NDUFA10: variants seen among roughly 807,000 people sequenced by gnomAD.
NDUFA10 encodes the protein NADH dehydrogenase [ubiquinone] 1 alpha subcomplex subunit 10, mitochondrial.
NDUFA10 carries 40 observed loss-of-function variants against 47.8 expected under a neutral mutation model. That is an observed-to-expected ratio of 0.84 (90% CI 0.65 to 1.09). NDUFA10 has a LOEUF of 1.09. NDUFA10 is among the 50% of genes least tolerant of loss of function. NDUFA10 has a pLI of 0.00. For missense variants in NDUFA10, 413 were observed against 451.1 expected, an observed-to-expected ratio of 0.92 and a Z score of 0.76; for synonymous variants, 183 against 172.2, an observed-to-expected ratio of 1.06 and a Z score of -0.49.
chr2:240,000,005 C>T (rs1318933231), intron 8 of NDUFA10, among the ~76,000 whole-genome samples: 1 of 152,244 alleles, frequency 6.6e-6, no homozygotes. Flanking sequence ...GCATGACTCC[C>T]GTGTCTGCGG....
chr2:240,021,063 T>C, intron 3 of NDUFA10, 134 bp downstream of exon 3: 1 of 741,200 alleles, frequency 1.3e-6, no homozygotes, highest in Non-Finnish European at 2.3e-6. Context: ...AAATTCATGA[T>C]CTTGTTGGAA....
intron 4 of NDUFA10, among the ~76,000 whole-genome samples, chr2:239,929,785 GCCCTGCTCCTCCACTGC>G (rs1559289732): frequency 6.7e-5 from 7 of 104,110 alleles, no homozygotes; most frequent in Admixed American, 4.2e-4. Flanking sequence ...TTCTCCACCA[GCCCTGCTCCTCCACTGC>G]CCCTGCTCCT....
At chr2:239,893,387 T>C (rs1331571039) in intron 5 of NDUFA10, among the ~76,000 whole-genome samples, 1 of 152,312 alleles carries the variant, frequency 6.6e-6, no homozygotes, top group South Asian at 2.1e-4. Flanking sequence ...CTGCCATGAA[T>C]GTGGCTGTTG....
intron 4 of NDUFA10, among the ~76,000 whole-genome samples, chr2:239,915,327 CAGAGAACGAAG>C (rs1693841958): frequency 2.0e-5 from 2 of 100,878 alleles, no homozygotes; most frequent in African/African-American, 4.9e-5. Flanking sequence ...CACACACACA[CAGAGAACGAAG>C]ACATACTCAG....
chr2:239,914,233 A>G (rs1414038909), intron 4 of NDUFA10, among the ~76,000 whole-genome samples: 29 of 150,150 alleles, frequency 1.9e-4, no homozygotes, highest in Admixed American at 1.9e-3. Context: ...GAGATACACA[A>G]ACATACACAC....
chr2:240,021,894 G>T (rs1697637296), intron 2 of NDUFA10, among the ~76,000 whole-genome samples: 1 of 152,146 alleles, frequency 6.6e-6, no homozygotes, highest in South Asian at 2.1e-4. Flanking sequence ...AGTTTATGTG[G>T]AAGTGCCCTG....
intron 9 of NDUFA10, among the ~76,000 whole-genome samples, chr2:239,988,446 C>G (rs1279010495): frequency 6.6e-6 from 1 of 152,168 alleles, no homozygotes; most frequent in African/African-American, 2.4e-5. Context: ...GACTTTAACA[C>G]ACCTCCTACA....
intron 4 of NDUFA10, among the ~76,000 whole-genome samples, chr2:239,946,159 C>G (rs1178560591): frequency 6.6e-6 from 1 of 152,158 alleles, no homozygotes; most frequent in Non-Finnish European, 1.5e-5. Flanking sequence ...GATGGCTGCA[C>G]GCTCCTCCCA....
chr2:239,921,262 C>T (rs1693973661), intron 4 of NDUFA10, among the ~76,000 whole-genome samples: 1 of 138,436 alleles, frequency 7.2e-6, no homozygotes, highest in Admixed American at 7.8e-5. Flanking sequence ...TGTGGTCTCA[C>T]TGACTTCAAG....
chr2:240,019,818 C>CAAAAAAAAAAAAAAA (rs60278142), intron 3 of NDUFA10, among the ~76,000 whole-genome samples: 1 of 12,208 alleles, frequency 8.2e-5, no homozygotes, highest in Non-Finnish European at 1.4e-4. Flanking sequence ...GACTCCGTCT[C>CAAAAAAAAAAAAAAA]AAAAAAAAAA....
chr2:240,014,685 G>A lies in NDUFA10; in HGVS notation c.669+54C>T, dbSNP rs768103114. 1.9e-6 allele frequency: 3 copies of A among 1,612,194 alleles called. No homozygotes were observed. The African/African-American group carries it at 4.0e-5, about 22-fold the overall frequency. On this transcript the variant is annotated intron_variant, in intron 5 of 9. Transcript: ENST00000252711. Reference sequence around the variant, plus strand: ...ATGCTATTAAAACAGGGCTTTTAGTGCTGATCTACATTCAAAATAGAGATG... The same window carrying A: ...ATGCTATTAAAACAGGGCTTTTAGTACTGATCTACATTCAAAATAGAGATG...
At chr2:239,905,156 AG>A (rs1693623680) in intron 4 of NDUFA10, among the ~76,000 whole-genome samples, 1 of 152,140 alleles carries the variant, frequency 6.6e-6, no homozygotes, top group Non-Finnish European at 1.5e-5. Context: ...TTCCCAGCCC[AG>A]GGGGTTGAAC....
chr2:239,933,812 C>G (rs1694218345), intron 4 of NDUFA10, among the ~76,000 whole-genome samples: 1 of 151,900 alleles, frequency 6.6e-6, no homozygotes, highest in South Asian at 2.1e-4. Context: ...CAAGGTAACA[C>G]CATTCCATAA....
chr2:239,896,306 C>T (rs1162516786), intron 4 of NDUFA10, among the ~76,000 whole-genome samples: 1 of 152,242 alleles, frequency 6.6e-6, no homozygotes, highest in Admixed American at 6.5e-5. Flanking sequence ...GCAAAGGTAT[C>T]AAGATTCAGG....
At chr2:240,004,652 A>ATGGCCTC (rs1696875474) in intron 8 of NDUFA10, among the ~76,000 whole-genome samples, 1 of 146,508 alleles carries the variant, frequency 6.8e-6, no homozygotes, top group African/African-American at 2.7e-5. Context: ...TCCCCTCCCC[A>ATGGCCTC]CACTTTTTCT....
chr2:239,926,204 C>T (rs746159553), intron 4 of NDUFA10, among the ~76,000 whole-genome samples: 14 of 152,176 alleles, frequency 9.2e-5, no homozygotes, highest in East Asian at 1.9e-4. Flanking sequence ...ATGTTCATAG[C>T]GGCTTTATTC....
chr2:239,899,768 C>T lies in NDUFA10; in HGVS notation c.295-4454G>A, dbSNP rs147291516. ...GAGAGGCTGAATGGACAATGTCCAG[C>T]CCAGATGTAAAAACAGAATTCCACG... On this transcript the variant is annotated intron_variant, in intron 4 of 5. Coordinates refer to the NDUFA10 transcript ENST00000419408. Among the ~76,000 whole-genome samples the T allele has an allele frequency of 3.2e-3, 487 of 151,966 alleles. 3 individuals are homozygous for T. The highest frequency in any genetic ancestry group is 0.012 in the African/African-American group (477 of 41,410).
rs576365873 is a variant in NDUFA10, at chr2:239,997,345, T to C, written c.891-7163A>G. Among the ~76,000 whole-genome samples the C allele has an allele frequency of 1.3e-4, 20 of 151,782 alleles. No individual in the cohort carries two copies. The South Asian group carries it at 3.3e-3, about 25-fold the overall frequency. On this transcript the variant is annotated intron_variant, in intron 8 of 9. Coordinates refer to ENST00000252711, the MANE Select transcript of NDUFA10 (RefSeq NM_004544.4). ...AAAGTTAATAAATATGAAGGGAAAA[T>C]TCACAAAGAGCAAATAAATAGCCAA...
intron 8 of NDUFA10, among the ~76,000 whole-genome samples, chr2:239,996,621 C>T (rs1398654698): frequency 6.6e-6 from 1 of 152,186 alleles, no homozygotes; most frequent in East Asian, 1.9e-4. Context: ...ACCACTAATA[C>T]CAAAATCTGA....
Sources: allele counts gnomAD v4.1 joint callset (sites outside exome capture counted in the v4.1 genomes callset), GRCh38; gene constraint gnomAD v4.1.1; transcripts MANE v1.5; gene names NCBI Gene and HGNC (gene_info 2026-07-23, HGNC 2026-07-21).